Variants in AP3D1 observed in about 807,000 individuals in gnomAD.
The protein encoded by AP3D1 is AP-3 complex subunit delta-1.
Under a neutral mutation model 147.6 loss-of-function variants are expected in AP3D1, and 51 were observed. That is an observed-to-expected ratio of 0.35 (90% CI 0.28 to 0.44). The LOEUF (loss-of-function observed/expected upper bound fraction) is 0.44, where lower values mean the gene tolerates loss of function less well. Ranked by LOEUF, AP3D1 falls within the 20% of genes least tolerant of loss-of-function variation. The pLI, the probability that AP3D1 is intolerant of heterozygous loss-of-function variation, is 1.00. For synonymous variants in AP3D1, 760 were observed against 663.0 expected (o/e 1.15, Z -2.25); for missense variants, 1,421 against 1,624.2 (o/e 0.87, Z 2.15).
chr19:2,115,290 G>T lies in AP3D1; in HGVS notation c.2278C>A (p.Leu760Met). The change falls in exon 20 of 32, where the codon CTG becomes ATG. Residue 760 changes from leucine (L) to methionine (M), a missense_variant. Leu to Met is a conservative substitution (Grantham distance 15). Coordinates refer to ENST00000643116, the MANE Select transcript of AP3D1 (RefSeq NM_001261826.3). ...EKKGKRRHSS[L>M]PTESDEDIAP... ...ATGTCCTCGTCGCTCTCCGTGGGCAGCGAGCTGTGGCGGCGCTTGCCCTTC... is the reference window on the plus strand; with the variant it reads ...ATGTCCTCGTCGCTCTCCGTGGGCATCGAGCTGTGGCGGCGCTTGCCCTTC... 6.2e-7 allele frequency: 1 copy of T among 1,613,268 alleles called. No homozygotes were observed. Among genetic ancestry groups the T allele is most frequent in the Non-Finnish European group, 8.5e-7 (1 of 1,179,980 alleles).
In AP3D1 at chr19:2,114,779, GGTCGTTGGGGTCTTTGTCATCCTC is replaced by G. The variant is rs2018392345; in HGVS notation, c.2368_2391del (p.Glu790_Asp797del). On this transcript the variant is annotated inframe_deletion, in exon 21 of 32. Coordinates refer to ENST00000643116, the MANE Select transcript of AP3D1 (RefSeq NM_001261826.3). The stretch of plus-strand genomic sequence containing the variant: ...AGGTCAATATCCAGAGCCCTGTAGG[GGTCGTTGGGGTCTTTGTCATCCTC>G]GTCGCTGGGCAGAGCATTCTGACAG... 6.2e-7 allele frequency: 1 copy of G among 1,613,962 alleles called. No homozygotes were observed. The highest frequency in any genetic ancestry group is 1.3e-5 in the African/African-American group (1 of 74,948).
intron 1 of AP3D1, among the ~76,000 whole-genome samples, chr19:2,141,983 T>TATATACATTTATTTAC (rs2019233644): frequency 4.7e-5 from 7 of 149,546 alleles, no homozygotes; most frequent in South Asian, 2.1e-4. Context: ...CTTGTTTACA[T>TATATACATTTATTTAC]ATATATACAT....
intron 1 of AP3D1, among the ~76,000 whole-genome samples, chr19:2,140,019 C>T (rs2019178432): frequency 6.6e-6 from 1 of 152,104 alleles, no homozygotes; most frequent in Non-Finnish European, 1.5e-5. Context: ...GCTTTATGAT[C>T]CAACTTTGTA....
At chr19:2,113,512 G>GC (rs2018347766) in intron 22 of AP3D1, 99 bp from the exon 23 acceptor site, 1 of 677,978 alleles carries the variant, frequency 1.5e-6, no homozygotes, top group Non-Finnish European at 2.3e-6. Flanking sequence ...TGCCCTCGCT[G>GC]CCCCCAGGGT....
rs770655238 is a variant in AP3D1, at chr19:2,116,191, C to G, written c.2073+16G>C. On this transcript the variant is annotated intron_variant, in intron 18 of 31. Coordinates refer to ENST00000643116, the MANE Select transcript of AP3D1 (RefSeq NM_001261826.3). ...TAGAGGGTGCTGAGGGACAGGCACC[C>G]GGGGACGGGCCTCACCTTCTGTGGC... 2.5e-6 allele frequency: 4 copies of G among 1,613,782 alleles called. No individual in the cohort carries two copies. Among genetic ancestry groups the G allele is most frequent in the Non-Finnish European group, 2.5e-6 (3 of 1,179,850 alleles).
At chr19:2,103,774 G>A (rs764325379) in intron 31 of AP3D1, among the ~76,000 whole-genome samples, 3 of 152,128 alleles carry the variant, frequency 2.0e-5, no homozygotes, top group Non-Finnish European at 4.4e-5. Flanking sequence ...AGCACTCCAC[G>A]GAAAACGACC....
upstream of AP3D1, among the ~76,000 whole-genome samples, chr19:2,156,174 T>C (rs924360980): frequency 4.6e-5 from 7 of 152,166 alleles, no homozygotes; most frequent in Non-Finnish European, 1.0e-4. Context: ...AGAGCAGTGC[T>C]AGCCAGGCTC....
Position 2,116,606 on chromosome 19 carries a change from C to T in AP3D1, c.2000G>A (p.Arg667Gln), listed in dbSNP as rs767777964. 3.1e-5 allele frequency: 50 copies of T among 1,589,164 alleles called. No homozygotes were observed. The highest frequency in any genetic ancestry group is 1.4e-4 in the East Asian group (6 of 44,054). ...CGCCAGGGGCAGCCAGCAGCTCACC[C>T]GAGCCAGCTCTTCCTCGTCCGCCTC... Reference protein sequence around the residue: ...PSEADEEELARRREARKQEQA... With the variant: ...PSEADEEELAQRREARKQEQA... Residue 667 changes from arginine (R) to glutamine (Q), a missense_variant and splice_region_variant, in exon 17 of 32, where the codon CGG (arginine) becomes CAG (glutamine). Physicochemically the swap from Arg to Gln is conservative, Grantham distance 43. Transcript: ENST00000643116.
chr19:2,156,394 A>G (rs145042780), upstream of AP3D1, among the ~76,000 whole-genome samples: 137 of 151,952 alleles, frequency 9.0e-4, no homozygotes, highest in Middle Eastern at 0.014. Context: ...CTACCCACCC[A>G]TCATCCATCC....
chr19:2,158,704 A>G (rs2019669561), intron 1 of AP3D1, among the ~76,000 whole-genome samples: 1 of 151,644 alleles, frequency 6.6e-6, no homozygotes, highest in Admixed American at 6.6e-5. Context: ...CCCAGGTTCA[A>G]ACGATTCTCT....
chr19:2,150,079 G>T (rs2019465347), intron 1 of AP3D1, among the ~76,000 whole-genome samples: 1 of 152,210 alleles, frequency 6.6e-6, no homozygotes, highest in African/African-American at 2.4e-5. Flanking sequence ...TTCCAGGAAA[G>T]TGTAAAGGTG....
upstream of AP3D1, among the ~76,000 whole-genome samples, chr19:2,151,961 C>A (rs1446813783): frequency 3.9e-5 from 6 of 152,210 alleles, no homozygotes; most frequent in East Asian, 1.9e-4. Flanking sequence ...TAATAGCTGA[C>A]GCGGCCTGAG....
chr19:2,129,530 C>T (rs1383589380), intron 6 of AP3D1, 73 bp from the exon 7 acceptor site: 24 of 1,526,702 alleles, frequency 1.6e-5, no homozygotes, highest in Middle Eastern at 3.5e-4. Context: ...CTTCCTGGCC[C>T]GCGAGGAAGT....
chr19:2,118,681 C>T lies in AP3D1; in HGVS notation c.1633G>A (p.Gly545Ser). ...ATGAGCTGGGTGACGGCCTGAGCGC[C>T]CTCTGCCTCCCCGGCCTGCTCCTTC... ...QQKEQAGEAE[G>S]AQAVTQLMVD... The change falls in exon 15 of 32, where the codon GGC becomes AGC. Residue 545 changes from glycine to serine, a missense_variant. Gly to Ser is a moderately conservative substitution (Grantham distance 56, BLOSUM62 0). Coordinates refer to ENST00000643116, the MANE Select transcript of AP3D1 (RefSeq NM_001261826.3). The T allele has an allele frequency of 6.2e-7, 1 of 1,613,280 alleles. No individual in the cohort carries two copies. The highest frequency in any genetic ancestry group is 8.5e-7 in the Non-Finnish European group (1 of 1,180,008).
rs548522570 is a variant in AP3D1, at chr19:2,143,328, C to T, written c.97-4614G>A. ...CGATCTCAGCTCACTGCAAGCTCCA[C>T]CTCCTGGGTTCATGCCATTCTCCTG... On this transcript the variant is annotated intron_variant, in intron 1 of 31. Transcript: ENST00000643116. Among the ~76,000 whole-genome samples the T allele has an allele frequency of 2.0e-5, 3 of 149,840 alleles. No homozygotes were observed. The East Asian group carries it at 6.0e-4, about 30-fold the overall frequency.
chr19:2,137,918 T>A, intron 2 of AP3D1, 111 bp from the exon 3 acceptor site: 5 of 894,938 alleles, frequency 5.6e-6, no homozygotes, highest in Non-Finnish European at 5.2e-6. Flanking sequence ...ACAGACTCAT[T>A]CACTGTCAGC....
rs201595321 is a variant in AP3D1, at chr19:2,110,724, G to A, written c.3158C>T (p.Pro1053Leu). 2 of 1,603,796 alleles carry A rather than the reference G, an allele frequency of 1.2e-6. No individual in the cohort carries two copies. The highest frequency in any genetic ancestry group is 1.7e-6 in the Non-Finnish European group (2 of 1,176,494). ...GSSVHDGVPV[P>L]FQLPPGVSNE... Reference sequence around the variant, plus strand: ...GGGCTCACCTGGGGGCAGCTGGAAAGGCACGGGGACGCCATCGTGGACGGA... The same window carrying A: ...GGGCTCACCTGGGGGCAGCTGGAAAAGCACGGGGACGCCATCGTGGACGGA... Residue 1053 changes from proline to leucine, a missense_variant, in exon 27 of 32, where the codon CCT becomes CTT. Physicochemically the swap from Pro to Leu is moderately conservative, Grantham distance 98. Transcript: ENST00000643116.
At chr19:2,159,501 G>T (rs1270145134) in intron 1 of AP3D1, among the ~76,000 whole-genome samples, 1 of 151,264 alleles carries the variant, frequency 6.6e-6, no homozygotes, top group African/African-American at 2.4e-5. Flanking sequence ...CGATTCTCCC[G>T]CCTCGGCCTC....
intron 1 of AP3D1, among the ~76,000 whole-genome samples, chr19:2,146,696 T>A (rs1294227559): frequency 6.6e-6 from 1 of 151,916 alleles, no homozygotes; most frequent in Non-Finnish European, 1.5e-5. Flanking sequence ...AAAGCACATT[T>A]AGAATCCACG....
Sources: gnomAD v4.1 joint callset for allele counts (sites outside exome capture counted in the v4.1 genomes callset) on GRCh38, gnomAD v4.1.1 for gene constraint, MANE v1.5 for transcripts, NCBI Gene and HGNC (gene_info 2026-07-23, HGNC 2026-07-21) for gene names.